SUSD1: variants seen among roughly 807,000 people sequenced by gnomAD.
SUSD1 encodes sushi domain containing 1, also known as sushi domain-containing protein 1.
SUSD1 carries 65 observed loss-of-function variants against 86.9 expected under a neutral mutation model. That is an observed-to-expected ratio of 0.75 (90% confidence interval 0.61 to 0.92). SUSD1 has a LOEUF of 0.92. Ranked by LOEUF, SUSD1 falls within the 40% of genes least tolerant of loss-of-function variation. SUSD1 has a pLI of 0.00. For missense variants in SUSD1, 850 were observed against 929.7 expected (o/e 0.91, Z 1.11); for synonymous variants, 346 against 350.0 (o/e 0.99, Z 0.13).
chr9:112,112,360 C>T (rs1261777426), intron 7 of SUSD1, among the ~76,000 whole-genome samples: 6 of 152,208 alleles, frequency 3.9e-5, no homozygotes, highest in East Asian at 1.9e-4. Flanking sequence ...TGAGGCCAGG[C>T]GCGGTGGCTC....
chr9:112,088,115 T>G (rs1442047630), intron 10 of SUSD1, among the ~76,000 whole-genome samples: 1 of 152,196 alleles, frequency 6.6e-6, no homozygotes, highest in African/African-American at 2.4e-5. Flanking sequence ...ATTAAGATTT[T>G]TATATCTAGC....
Position 112,175,195 on chromosome 9 carries a change from A to T in SUSD1, c.41T>A (p.Leu14Gln). 3 of 1,151,324 alleles carry T rather than the reference A, an allele frequency of 2.6e-6. No homozygotes were observed. Among genetic ancestry groups the T allele is most frequent in the African/African-American group, 1.6e-5 (1 of 61,050 alleles). The allele number at this position is 1,151,324 out of a possible 1,614,324, so 71.3% of individuals were successfully genotyped here. A position where few individuals can be genotyped will look rare whatever the true frequency, so the allele number is the denominator to read the frequency against. ...GCCGAGCAGCAGCAACAGCGGCAGCAGGCGGCGAGACGGGCCCGCATCCCA... is the reference window on the plus strand; with the variant it reads ...GCCGAGCAGCAGCAACAGCGGCAGCTGGCGGCGAGACGGGCCCGCATCCCA... The part of the protein sequence containing the change: ...GPWDAGPSRR[L>Q]LPLLLLLGLA... The change falls in exon 1 of 17, where the codon CTG becomes CAG. Residue 14 changes from leucine to glutamine, a missense_variant. Leu to Gln is a moderately radical substitution (Grantham distance 113, BLOSUM62 -2). Transcript: ENST00000374270. This position sits in a 1 kb window ranked among gnomAD's most constrained non-coding sequence, Gnocchi z 4.7.
At chr9:112,075,949 C>T (rs1262873980) in intron 12 of SUSD1, among the ~76,000 whole-genome samples, 2 of 152,024 alleles carry the variant, frequency 1.3e-5, no homozygotes, top group Non-Finnish European at 2.9e-5. Flanking sequence ...AAAACTTTGA[C>T]CCATTGAAGG....
At chr9:112,152,321 C>T (rs935665357) in intron 2 of SUSD1, among the ~76,000 whole-genome samples, 10 of 151,858 alleles carry the variant, frequency 6.6e-5, no homozygotes, top group Non-Finnish European at 1.5e-5. Flanking sequence ...TAATGCTTAA[C>T]TTAAAATACA....
intron 5 of SUSD1, among the ~76,000 whole-genome samples, chr9:112,138,242 T>TACAC (rs374164518): frequency 2.9e-5 from 1 of 34,068 alleles, no homozygotes; most frequent in South Asian, 1.6e-3. Context: ...AATGTGTATA[T>TACAC]ATATATATAT....
chr9:112,055,128 A>G (rs541285955), intron 14 of SUSD1, among the ~76,000 whole-genome samples: 1 of 152,310 alleles, frequency 6.6e-6, no homozygotes, highest in South Asian at 2.1e-4. Context: ...CAAAACCACA[A>G]TAAGATGCCA....
chr9:112,076,744 G>A (rs957381714), intron 12 of SUSD1, among the ~76,000 whole-genome samples: 2 of 152,182 alleles, frequency 1.3e-5, no homozygotes, highest in Non-Finnish European at 2.9e-5. Flanking sequence ...GGAGGCTGAA[G>A]AGGGGTCATA....
At chr9:112,158,485 G>T (rs1833433379) in intron 1 of SUSD1, among the ~76,000 whole-genome samples, 1 of 151,878 alleles carries the variant, frequency 6.6e-6, no homozygotes, top group Admixed American at 6.6e-5. Flanking sequence ...TGACCTCCCG[G>T]GCTCATGCAA....
chr9:112,165,802 AAGAG>A lies in SUSD1; in HGVS notation c.104-8193_104-8190del, dbSNP rs531133862. On this transcript the variant is annotated intron_variant, in intron 1 of 16. Coordinates refer to ENST00000374270, the MANE Select transcript of SUSD1 (RefSeq NM_022486.5). Reference sequence around the variant, plus strand: ...ACATCAAAAAGAAAGGAAAGAGAGAAAGAGAGAGAGAGAAAAAGAAAGAAAGAAA... The same window carrying A: ...ACATCAAAAAGAAAGGAAAGAGAGAAAGAGAGAGAAAAAGAAAGAAAGAAA... Among the ~76,000 whole-genome samples, 271 of 150,726 alleles carry A rather than the reference AAGAG, an allele frequency of 1.8e-3. 1 individual carries two copies. The highest frequency in any genetic ancestry group is 3.0e-3 in the Non-Finnish European group (205 of 67,724).
At chr9:112,091,695 A>G (rs1256065119) in intron 10 of SUSD1, among the ~76,000 whole-genome samples, 3 of 152,258 alleles carry the variant, frequency 2.0e-5, no homozygotes, top group African/African-American at 7.2e-5. Flanking sequence ...AAGCAAAGTT[A>G]CTATTGTATA....
intron 12 of SUSD1, among the ~76,000 whole-genome samples, chr9:112,065,250 C>T (rs1351848272): frequency 1.3e-5 from 2 of 152,086 alleles, no homozygotes; most frequent in Admixed American, 1.3e-4. Context: ...CGGCCAGGGA[C>T]AGTGGCTCAT....
chr9:112,062,545 A>G (rs1039621970), intron 13 of SUSD1, among the ~76,000 whole-genome samples: 3 of 151,982 alleles, frequency 2.0e-5, no homozygotes, highest in Admixed American at 1.3e-4. Flanking sequence ...AAATACAAAA[A>G]TTAGCCAGGT....
intron 5 of SUSD1, among the ~76,000 whole-genome samples, chr9:112,131,000 G>C (rs905467482): frequency 2.0e-5 from 3 of 152,152 alleles, no homozygotes; most frequent in African/African-American, 7.2e-5. Flanking sequence ...TCCAACCTAA[G>C]TGACAGAGAC....
intron 15 of SUSD1, among the ~76,000 whole-genome samples, chr9:112,043,202 TC>T (rs1287945787): frequency 1.3e-5 from 2 of 152,136 alleles, no homozygotes; most frequent in Non-Finnish European, 2.9e-5. Context: ...GGTTTAGGGG[TC>T]CTACAGCTGG....
chr9:112,055,556 GTGGGAA>G (rs1317349067), intron 14 of SUSD1, among the ~76,000 whole-genome samples: 2 of 152,184 alleles, frequency 1.3e-5, no homozygotes, highest in African/African-American at 2.4e-5. Flanking sequence ...CGCACTGCTG[GTGGGAA>G]TGGAAAATGG....
At chr9:112,079,158 T>G (rs2131556121) in intron 11 of SUSD1, among the ~76,000 whole-genome samples, 1 of 152,086 alleles carries the variant, frequency 6.6e-6, no homozygotes, top group Non-Finnish European at 1.5e-5. Context: ...CTCTCTGGAC[T>G]CTAATGTTTC....
intron 5 of SUSD1, chr9:112,137,746 T>G (rs992574322): frequency 6.6e-6 from 1 of 152,170 alleles, no homozygotes; most frequent in African/African-American, 2.4e-5. Context: ...GGTTTCTCTT[T>G]TCTCCAAAAT....
chr9:112,066,779 C>T (rs553834410), intron 12 of SUSD1, among the ~76,000 whole-genome samples: 3 of 152,334 alleles, frequency 2.0e-5, no homozygotes, highest in Admixed American at 6.5e-5. Context: ...CAAATCCCCA[C>T]TGGCCCAGGG....
Position 112,098,622 on chromosome 9 carries a change from GAA to G in SUSD1, c.1320_1321del (p.His442CysfsTer5). 1 of 1,614,146 alleles carries G rather than the reference GAA, an allele frequency of 6.2e-7. No individual in the cohort carries two copies. Among genetic ancestry groups the G allele is most frequent in the Middle Eastern group, 1.6e-4 (1 of 6,062 alleles). ...TGTGAAGTTAAACGATGTTGCATGA[GAA>G]AAGTTAGCCAGATACCACCTCTGAC... On this transcript the variant is annotated frameshift_variant, in exon 10 of 17. Transcript: ENST00000374270. LOFTEE classifies it high-confidence loss of function.
Sources: allele counts gnomAD v4.1 joint callset (sites outside exome capture counted in the v4.1 genomes callset), GRCh38; gene constraint gnomAD v4.1.1; non-coding constraint Gnocchi (gnomAD v3.1); transcripts MANE v1.5; gene names NCBI Gene and HGNC (gene_info 2026-07-23, HGNC 2026-07-21).